GCSAML: variants seen among roughly 807,000 people sequenced by gnomAD.
GCSAML encodes germinal center associated signaling and motility like, also known as germinal center-associated signaling and motility-like protein.
GCSAML carries 9 observed loss-of-function variants against 13.0 expected under a neutral mutation model. That is an observed-to-expected ratio of 0.69 (90% CI 0.42 to 1.21). The LOEUF (loss-of-function observed/expected upper bound fraction) is 1.21, where lower values mean the gene tolerates loss of function less well. Ranked by LOEUF, GCSAML falls within the 50% of genes most tolerant of loss-of-function variation. The probability of loss-of-function intolerance (pLI) is 0.00; values close to 1 mark genes in which losing one functional copy is unlikely to be tolerated. For missense variants in GCSAML, 143 were observed against 153.4 expected (o/e 0.93, Z 0.36); for synonymous variants, 37 against 52.9 (o/e 0.70, Z 1.31).
chr1:247,556,326 G>A (rs906404426), intron 1 of GCSAML, 81 bp from the exon 2 acceptor site: 14 of 986,288 alleles, frequency 1.4e-5, no homozygotes, highest in African/African-American at 1.1e-4. Context: ...TGGTTTTAAT[G>A]GTCTAGAAAG....
At chr1:247,546,652 C>T (rs1017676491), upstream of GCSAML, among the ~76,000 whole-genome samples, 29 of 152,054 alleles carry the variant, frequency 1.9e-4, no homozygotes, top group Admixed American at 9.8e-4. Flanking sequence ...TGAGCCACCG[C>T]GCCCGGCTGA....
chr1:247,569,596 G>C (rs1668522209), intron 4 of GCSAML, among the ~76,000 whole-genome samples: 1 of 152,196 alleles, frequency 6.6e-6, no homozygotes, highest in Admixed American at 6.5e-5. Flanking sequence ...TGTGCTGCTG[G>C]ATTTGGTTTT....
chr1:247,562,307 C>T (rs375827673), intron 2 of GCSAML, among the ~76,000 whole-genome samples: 4 of 152,176 alleles, frequency 2.6e-5, no homozygotes, highest in South Asian at 2.1e-4. Flanking sequence ...CAAAGTATGG[C>T]GCTGGGAGTT....
intron 2 of GCSAML, among the ~76,000 whole-genome samples, chr1:247,540,465 C>G (rs559670722): frequency 3.9e-5 from 6 of 152,258 alleles, no homozygotes; most frequent in Non-Finnish European, 8.8e-5. Context: ...CTATTTCTCT[C>G]CGGAGCACTG....
At chr1:247,524,216 C>G (rs1373138445) in intron 1 of GCSAML, among the ~76,000 whole-genome samples, 1 of 152,174 alleles carries the variant, frequency 6.6e-6, no homozygotes, top group Non-Finnish European at 1.5e-5. Context: ...GTCTCTAAGA[C>G]ATTTATTACC....
chr1:247,549,616 A>G (rs60659708), intron 1 of GCSAML, among the ~76,000 whole-genome samples: 1,555 of 152,232 alleles, frequency 0.01, 21 homozygotes, highest in African/African-American at 0.036. Context: ...ACCCTACACA[A>G]TTGTCACTTG....
chr1:247,514,284 ATCT>A (rs1666141259), intron 1 of GCSAML, among the ~76,000 whole-genome samples: 1 of 152,068 alleles, frequency 6.6e-6, no homozygotes, highest in Admixed American at 6.6e-5. Context: ...CAGCCTGGAA[ATCT>A]TCTTTTAAGA....
chr1:247,576,699 C>T lies in GCSAML; in HGVS notation c.*2317C>T, dbSNP rs1163516993. 3 of 152,102 alleles carry T rather than the reference C, an allele frequency of 2.0e-5. No homozygotes were observed. The highest frequency in any genetic ancestry group is 4.8e-5 in the African/African-American group (2 of 41,436). The allele number at this position is 152,102 out of a possible 1,614,324, so 9.4% of individuals were successfully genotyped here. A position where few individuals can be genotyped will look rare whatever the true frequency, so the allele number is the denominator to read the frequency against. ...ATACACATTTTGCCTCTCTATTCAA[C>T]GAATTCTTATGCCCTCTTGTGGTGA... On this transcript the variant is annotated 3_prime_UTR_variant, in exon 5 of 5. Transcript: ENST00000366488.
chr1:247,509,874 C>A (rs922518829), intron 1 of GCSAML, among the ~76,000 whole-genome samples: 1 of 152,156 alleles, frequency 6.6e-6, no homozygotes, highest in Admixed American at 6.6e-5. Context: ...AGTGGATAAG[C>A]TTTTTGATGT....
intron 1 of GCSAML, 75 bp from the exon 2 acceptor site, chr1:247,556,332 G>C: frequency 1.9e-6 from 2 of 1,061,892 alleles, no homozygotes; most frequent in Non-Finnish European, 2.9e-6. Flanking sequence ...TAATGGTCTA[G>C]AAAGTTAGAG....
At chr1:247,528,437 G>A (rs552575388) in intron 2 of GCSAML, 2 of 152,264 alleles carry the variant, frequency 1.3e-5, no homozygotes, top group African/African-American at 2.4e-5. Flanking sequence ...AAGACATTGT[G>A]TTAAGTGAAA....
intron 2 of GCSAML, among the ~76,000 whole-genome samples, chr1:247,537,118 C>T (rs973513967): frequency 1.3e-5 from 2 of 152,172 alleles, no homozygotes; most frequent in African/African-American, 4.8e-5. Flanking sequence ...ATCGAGCAGT[C>T]AGTCTTCATT....
chr1:247,543,501 C>G (rs1435667094), intron 2 of GCSAML, among the ~76,000 whole-genome samples: 1 of 152,132 alleles, frequency 6.6e-6, no homozygotes, highest in Non-Finnish European at 1.5e-5. Context: ...CAGGCATCCA[C>G]TGAACTGGGA....
chr1:247,531,810 C>G (rs753436393), intron 2 of GCSAML: 1 of 1,614,186 alleles, frequency 6.2e-7, no homozygotes, highest in Admixed American at 1.7e-5. Flanking sequence ...CCTTTCTCCG[C>G]CCTTCTGCTG....
chr1:247,523,534 C>G (rs972150269), intron 1 of GCSAML, among the ~76,000 whole-genome samples: 1 of 152,176 alleles, frequency 6.6e-6, no homozygotes, highest in East Asian at 1.9e-4. Flanking sequence ...ATCCCACCCC[C>G]GTGCTTCAGT....
chr1:247,532,574 G>C lies in GCSAML; in HGVS notation c.-148+5520G>C, dbSNP rs77580707. 3,414 of 1,470,690 alleles carry C rather than the reference G, an allele frequency of 2.3e-3. 55 individuals are homozygous for C. The African/African-American group carries it at 0.042, about 18-fold the overall frequency. 91.1% of individuals were successfully genotyped at this position (1,470,690 alleles called of 1,614,324 possible). A position where few individuals can be genotyped will look rare whatever the true frequency, so the allele number is the denominator to read the frequency against. ...AGAGCACAGGGCATACAGGGCATGA[G>C]ACATGAAGCAATTACATCAGTTAGC... On this transcript the variant is annotated intron_variant, in intron 2 of 5. Coordinates refer to the GCSAML transcript ENST00000366489.
chr1:247,554,038 A>C (rs1667872616), intron 1 of GCSAML, among the ~76,000 whole-genome samples: 2 of 152,140 alleles, frequency 1.3e-5, no homozygotes, highest in Admixed American at 1.3e-4. Context: ...GTGATTTTTA[A>C]AAATTTGATT....
At chr1:247,514,414 T>G (rs1280964176) in intron 1 of GCSAML, among the ~76,000 whole-genome samples, 1 of 152,242 alleles carries the variant, frequency 6.6e-6, no homozygotes, top group African/African-American at 2.4e-5. Context: ...TTTCTCCTAC[T>G]CTGTCAGTTG....
intron 4 of GCSAML, among the ~76,000 whole-genome samples, chr1:247,571,332 T>A (rs1294036109): frequency 6.6e-6 from 1 of 152,178 alleles, no homozygotes; most frequent in Non-Finnish European, 1.5e-5. Context: ...TTGCAGTGGG[T>A]GGTACTGGTT....
Sources: gnomAD v4.1 joint callset for allele counts (sites outside exome capture counted in the v4.1 genomes callset) on GRCh38, gnomAD v4.1.1 for gene constraint, MANE v1.5 for transcripts, NCBI Gene and HGNC (gene_info 2026-07-23, HGNC 2026-07-21) for gene names.